The following EXOC4 variants were observed in gnomAD, a reference collection of about 807,000 sequenced individuals.
EXOC4 encodes SEC8-like 1.
In EXOC4, 71 loss-of-function variants were observed where a neutral mutation model predicts 107.2. The observed-to-expected ratio is 0.66, with a 90% CI of 0.55 to 0.81. The LOEUF (loss-of-function observed/expected upper bound fraction) is 0.81. EXOC4 is among the 30% of genes least tolerant of loss of function. The pLI is 0.00. For synonymous variants in EXOC4, 456 were observed against 441.2 expected (o/e 1.03, Z -0.42); for missense variants, 1,108 against 1,189.6 (o/e 0.93, Z 1.01).
intron 14 of EXOC4, among the ~76,000 whole-genome samples, chr7:133,990,525 C>T (rs1794227512): frequency 6.6e-6 from 1 of 152,170 alleles, no homozygotes; most frequent in African/African-American, 2.4e-5. Context: ...TCTCGGCTCA[C>T]TGCAACCTCC....
At chr7:133,793,289 T>A (rs1425037377) in intron 10 of EXOC4, among the ~76,000 whole-genome samples, 1 of 151,894 alleles carries the variant, frequency 6.6e-6, no homozygotes, top group Non-Finnish European at 1.5e-5. Flanking sequence ...AATACGAGAT[T>A]AGGGAAGTTT....
chr7:133,628,621 C>T (rs144402596), intron 9 of EXOC4, among the ~76,000 whole-genome samples: 1 of 152,292 alleles, frequency 6.6e-6, no homozygotes, highest in Non-Finnish European at 1.5e-5. Flanking sequence ...CAAAGTGATA[C>T]ATCTTTTCAC....
At chr7:133,499,987 A>G (rs1467885169) in intron 9 of EXOC4, among the ~76,000 whole-genome samples, 1 of 151,834 alleles carries the variant, frequency 6.6e-6, no homozygotes, top group African/African-American at 2.4e-5. Context: ...TTTCATTTCT[A>G]TTATAGCTAA....
intron 9 of EXOC4, among the ~76,000 whole-genome samples, chr7:133,627,056 T>G (rs536159984): frequency 1.3e-5 from 2 of 152,336 alleles, no homozygotes; most frequent in Admixed American, 1.3e-4. Context: ...GTATAATCAC[T>G]TTCCAGGAAG....
intron 9 of EXOC4, among the ~76,000 whole-genome samples, chr7:133,595,699 ATAAT>A (rs1801652036): frequency 6.6e-6 from 1 of 152,252 alleles, no homozygotes; most frequent in Non-Finnish European, 1.5e-5. Context: ...GCAAGGTCAC[ATAAT>A]TAGTCAGTGG....
intron 10 of EXOC4, among the ~76,000 whole-genome samples, chr7:133,755,244 ATATATATATTATATATATAT>A (rs1472834467): frequency 7.7e-4 from 63 of 82,316 alleles, no homozygotes; most frequent in East Asian, 1.2e-3. Context: ...AATATATATA[ATATATATATTATATATATAT>A]TATATATATT....
intron 10 of EXOC4, among the ~76,000 whole-genome samples, chr7:133,656,744 C>T (rs909295907): frequency 1.9e-4 from 29 of 152,098 alleles, no homozygotes; most frequent in Admixed American, 1.8e-3. Flanking sequence ...TGACTTACTA[C>T]GTATGATTTG....
intron 10 of EXOC4, among the ~76,000 whole-genome samples, chr7:133,784,401 G>A (rs192507748): frequency 8.5e-5 from 13 of 152,154 alleles, no homozygotes; most frequent in Admixed American, 6.5e-4. Context: ...TTGGACCCTT[G>A]GTCTTGGCCC....
At chr7:133,893,184 C>T (rs1799231537) in intron 11 of EXOC4, among the ~76,000 whole-genome samples, 1 of 77,596 alleles carries the variant, frequency 1.3e-5, no homozygotes, top group Admixed American at 9.8e-5. Context: ...TATGTAATGG[C>T]CTTCTTTGTC....
At chr7:133,253,724 AGGCACAC>A (rs1794946972) in intron 1 of EXOC4, 1 of 164,388 alleles carries the variant, frequency 6.1e-6, no homozygotes, top group African/African-American at 2.4e-5. Context: ...CTGGGTTTGA[AGGCACAC>A]ATCGGTTTTC....
At chr7:133,285,912 A>G (rs1439342725) in intron 2 of EXOC4, among the ~76,000 whole-genome samples, 2 of 151,920 alleles carry the variant, frequency 1.3e-5, no homozygotes, top group African/African-American at 4.8e-5. Flanking sequence ...GGCATGTGCC[A>G]CTATACCCGG....
rs138221791 is a variant in EXOC4, at chr7:133,875,069, C to T, written c.1735-20530C>T. 1.6e-4 allele frequency among the ~76,000 whole-genome samples: 25 copies of T among 152,320 alleles called. No individual in the cohort carries two copies. In the East Asian group the frequency reaches 4.4e-3, roughly 27 times the overall value. On this transcript the variant is annotated intron_variant, in intron 11 of 17. Coordinates refer to ENST00000253861, the MANE Select transcript of EXOC4 (RefSeq NM_021807.4). Reference sequence around the variant, plus strand: ...TGGTGTGGAATGCGAATCTGAGATACATGAAGAAATGAAAGCATTTCAGAC... The same window carrying T: ...TGGTGTGGAATGCGAATCTGAGATATATGAAGAAATGAAAGCATTTCAGAC...
At chr7:133,604,748 G>T (rs1415847158) in intron 9 of EXOC4, among the ~76,000 whole-genome samples, 1 of 76,898 alleles carries the variant, frequency 1.3e-5, no homozygotes, top group Non-Finnish European at 2.5e-5. Context: ...TTTTGAGGCA[G>T]AGTCTCTCTC....
intron 10 of EXOC4, among the ~76,000 whole-genome samples, chr7:133,792,880 T>C (rs1431917816): frequency 5.3e-5 from 8 of 152,164 alleles, no homozygotes. Flanking sequence ...AATGGCAGGT[T>C]GTCTATTCTA....
chr7:133,319,799 G>A (rs945236910), intron 5 of EXOC4, among the ~76,000 whole-genome samples: 4 of 150,394 alleles, frequency 2.7e-5, no homozygotes, highest in African/African-American at 9.8e-5. Context: ...TTTTTAGATG[G>A]GTTCATTTCC....
chr7:133,532,566 T>A lies in EXOC4; in HGVS notation c.1417+52428T>A, dbSNP rs568775248. ...AGCATAATGCTAAAAGAAAACATAGTTCTAGGAGAAAGCTTGCTTTTAATA... is the reference window on the plus strand; with the variant it reads ...AGCATAATGCTAAAAGAAAACATAGATCTAGGAGAAAGCTTGCTTTTAATA... On this transcript the variant is annotated intron_variant, in intron 9 of 17. Coordinates refer to ENST00000253861, the MANE Select transcript of EXOC4 (RefSeq NM_021807.4). Among the ~76,000 whole-genome samples the A allele has an allele frequency of 1.8e-4, 28 of 152,210 alleles. 2 individuals carry two copies. The South Asian group carries it at 5.8e-3, about 32-fold the overall frequency.
At chr7:133,951,894 C>T (rs1800699523) in intron 14 of EXOC4, among the ~76,000 whole-genome samples, 1 of 152,190 alleles carries the variant, frequency 6.6e-6, no homozygotes, top group Non-Finnish European at 1.5e-5. Flanking sequence ...GGTGCAGTGG[C>T]TCACGCCTGA....
intron 10 of EXOC4, among the ~76,000 whole-genome samples, chr7:133,719,549 T>A (rs1795064676): frequency 6.6e-6 from 1 of 151,826 alleles, no homozygotes; most frequent in Non-Finnish European, 1.5e-5. Flanking sequence ...ATTCCTTTCA[T>A]TAAGCCCTTA....
At chr7:133,511,410 G>A (rs1380140922) in intron 9 of EXOC4, among the ~76,000 whole-genome samples, 2 of 152,094 alleles carry the variant, frequency 1.3e-5, no homozygotes, top group South Asian at 2.1e-4. Context: ...GGGTTATTTC[G>A]TAAGGGTTGA....
Sources: gnomAD v4.1 joint callset for allele counts (sites outside exome capture counted in the v4.1 genomes callset) on GRCh38, gnomAD v4.1.1 for gene constraint, MANE v1.5 for transcripts, NCBI Gene and HGNC (gene_info 2026-07-23, HGNC 2026-07-21) for gene names.